RYR2: variants seen among roughly 807,000 people sequenced by gnomAD.
RYR2 encodes ryanodine receptor 2, also known as cardiac muscle ryanodine receptor-calcium release channel.
In RYR2, 227 loss-of-function variants were observed where a neutral mutation model predicts 601.1. That is an observed-to-expected ratio of 0.38 (90% CI 0.34 to 0.42). The LOEUF (loss-of-function observed/expected upper bound fraction) is 0.42, where lower values mean the gene tolerates loss of function less well. RYR2 is among the 10% of genes least tolerant of loss of function. The pLI, the probability that RYR2 is intolerant of heterozygous loss-of-function variation, is 1.00. For missense variants in RYR2, 4,646 were observed against 6,156.5 expected (o/e 0.75, Z 8.21); for synonymous variants, 2,223 against 2,175.1 (o/e 1.02, Z -0.61).
At chr1:237,373,526 G>C (rs1243169589) in intron 6 of RYR2, among the ~76,000 whole-genome samples, 4 of 152,186 alleles carry the variant, frequency 2.6e-5, no homozygotes, top group Non-Finnish European at 5.9e-5. Context: ...CTTCGTGATG[G>C]TAGTGTACTT....
intron 1 of RYR2, among the ~76,000 whole-genome samples, chr1:237,206,066 G>A (rs12048873): frequency 0.1 from 15,709 of 152,220 alleles, 894 homozygotes; most frequent in East Asian, 0.19. Context: ...CAGGAGCTCC[G>A]GGAAGAATAT....
chr1:237,263,901 T>C (rs1475217819), intron 1 of RYR2, among the ~76,000 whole-genome samples: 3 of 151,950 alleles, frequency 2.0e-5, no homozygotes, highest in African/African-American at 7.3e-5. Context: ...GCAAATAGCA[T>C]ATAATATAGT....
At position 237,645,469 on chromosome 1, in the gene RYR2, A is replaced by C. The variant is rs74147188; in HGVS notation, c.7342+2022A>C. Among the ~76,000 whole-genome samples, 825 of 152,348 alleles carry C rather than the reference A, an allele frequency of 5.4e-3. 7 individuals are homozygous for C. The highest frequency in any genetic ancestry group is 0.019 in the African/African-American group (797 of 41,592). Reference sequence around the variant, plus strand: ...TTCTTTACTCTATACTTTGAGCCACAAAATAGACACTATCAGGACAAAGAT... The same window carrying C: ...TTCTTTACTCTATACTTTGAGCCACCAAATAGACACTATCAGGACAAAGAT... On this transcript the variant is annotated intron_variant, in intron 48 of 104. Transcript: ENST00000366574.
intron 71 of RYR2, 146 bp downstream of exon 71, chr1:237,711,983 G>A (rs1202596891): frequency 1.7e-6 from 1 of 597,618 alleles, no homozygotes; most frequent in Non-Finnish European, 3.0e-6. Context: ...TATGCAAGCT[G>A]TTTTAAGGTT....
At chr1:237,209,495 A>ATGTGTGTGTGTG (rs1227902374) in intron 1 of RYR2, among the ~76,000 whole-genome samples, 1 of 39,292 alleles carries the variant, frequency 2.5e-5, no homozygotes, top group Non-Finnish European at 7.7e-5. Context: ...AAATCTGCAT[A>ATGTGTGTGTGTG]TATGTGTGTG....
At chr1:237,799,925 C>G (rs561851022) in intron 97 of RYR2, 14 of 152,274 alleles carry the variant, frequency 9.2e-5, no homozygotes, top group African/African-American at 2.6e-4. Context: ...AACTCACCTT[C>G]CTGGTTATAG....
chr1:237,628,177 T>A (rs1481096329), intron 41 of RYR2, 97 bp downstream of exon 41: 1 of 1,324,846 alleles, frequency 7.5e-7, no homozygotes, highest in African/African-American at 1.5e-5. Context: ...AAAAATATAT[T>A]GTCTGGATTA....
intron 17 of RYR2, among the ~76,000 whole-genome samples, chr1:237,480,203 G>A (rs1661879413): frequency 6.6e-6 from 1 of 151,866 alleles, no homozygotes; most frequent in Admixed American, 6.6e-5. Flanking sequence ...TGGATCAGTT[G>A]GGGTCAGGAG....
At chr1:237,478,604 C>A (rs1441032065) in intron 17 of RYR2, among the ~76,000 whole-genome samples, 2 of 152,202 alleles carry the variant, frequency 1.3e-5, no homozygotes, top group Non-Finnish European at 2.9e-5. Flanking sequence ...AAGGCTGATA[C>A]AAGTTTTACT....
In RYR2 at chr1:237,491,864, T is replaced by A; in HGVS notation, c.1767T>A (p.Ile589=). 1 of 1,480,596 alleles carries A rather than the reference T, an allele frequency of 6.8e-7. No individual in the cohort carries two copies. Among genetic ancestry groups the A allele is most frequent in the Non-Finnish European group, 9.3e-7 (1 of 1,078,734 alleles). 91.7% of individuals were successfully genotyped at this position (1,480,596 alleles called of 1,614,324 possible). The change falls in exon 18 of 105, where the codon ATT becomes ATA. Residue 589 remains isoleucine (I), a synonymous_variant. Coordinates refer to ENST00000366574, the MANE Select transcript of RYR2 (RefSeq NM_001035.3). ...LVESPEALNI[I]KEGHIKSIIS... is the part of the protein sequence containing the mutation. Reference sequence around the variant, plus strand: ...AAAGTCCAGAAGCTCTAAATATTATTAAAGAAGGACATATTAAATCTATTA... The same window carrying A: ...AAAGTCCAGAAGCTCTAAATATTATAAAAGAAGGACATATTAAATCTATTA...
At chr1:237,365,824 T>C (rs906715483) in intron 5 of RYR2, among the ~76,000 whole-genome samples, 27 of 152,292 alleles carry the variant, frequency 1.8e-4, no homozygotes, top group African/African-American at 5.8e-4. Context: ...GAAGGTCTCT[T>C]GTGAGAACAA....
chr1:237,641,606 A>T (rs553709906), intron 47 of RYR2, among the ~76,000 whole-genome samples: 1 of 150,138 alleles, frequency 6.7e-6, no homozygotes, highest in East Asian at 2.0e-4. Flanking sequence ...CAGTGGCATG[A>T]TCTCAGCTCA....
At chr1:237,110,756 G>A (rs1669383080) in intron 1 of RYR2, among the ~76,000 whole-genome samples, 1 of 152,184 alleles carries the variant, frequency 6.6e-6, no homozygotes, top group African/African-American at 2.4e-5. Flanking sequence ...GGGTACCAAT[G>A]CTCTGAAACC....
Position 237,387,992 on chromosome 1 carries a change from T to G in RYR2, c.677-95T>G, listed in dbSNP as rs1304412198. On this transcript the variant is annotated intron_variant, in intron 9 of 104. Coordinates refer to ENST00000366574, the MANE Select transcript of RYR2 (RefSeq NM_001035.3). ...CCTTAAGACTCACTAGACTTCAGTT[T>G]CTTTACGAAAGTAGAAGATTGGACC... is the stretch of plus-strand genomic sequence containing the variant. 4 of 1,160,960 alleles carry G rather than the reference T, an allele frequency of 3.4e-6. No homozygotes were observed. In the East Asian group the frequency reaches 1.0e-4, roughly 29 times the overall value. The allele number at this position is 1,160,960 out of a possible 1,614,324, so 71.9% of individuals were successfully genotyped here.
intron 80 of RYR2, among the ~76,000 whole-genome samples, chr1:237,753,154 T>G (rs1360261505): frequency 4.6e-5 from 7 of 152,208 alleles, no homozygotes; most frequent in Non-Finnish European, 1.0e-4. Flanking sequence ...CAGGCTGCCC[T>G]GGTTTAAAAT....
Position 237,550,803 on chromosome 1 carries a change from G to A in RYR2, c.3214+112G>A, listed in dbSNP as rs2306238. On this transcript the variant is annotated intron_variant, in intron 27 of 104. Coordinates refer to ENST00000366574, the MANE Select transcript of RYR2 (RefSeq NM_001035.3). Reference sequence around the variant, plus strand: ...CTGGATAGAGTCCTCTAGTCTAGGTGTGGAATTTCAGCCAAGTGGATTTTC... The same window carrying A: ...CTGGATAGAGTCCTCTAGTCTAGGTATGGAATTTCAGCCAAGTGGATTTTC... The A allele has an allele frequency of 0.21, 244,857 of 1,178,198 alleles. 26,982 individuals are homozygous for A. Among genetic ancestry groups the A allele is most frequent in the Admixed American group, 0.29 (9,456 of 32,368 alleles). 73.0% of individuals were successfully genotyped at this position (1,178,198 alleles called of 1,614,324 possible).
At chr1:237,618,069 A>G (rs1389412422) in intron 38 of RYR2, among the ~76,000 whole-genome samples, 1 of 152,166 alleles carries the variant, frequency 6.6e-6, no homozygotes, top group Non-Finnish European at 1.5e-5. Flanking sequence ...TTACTGGCGT[A>G]GGGATGGTGT....
At chr1:237,578,034 T>A (rs1169050920) in intron 29 of RYR2, among the ~76,000 whole-genome samples, 2 of 152,134 alleles carry the variant, frequency 1.3e-5, no homozygotes, top group East Asian at 3.9e-4. Flanking sequence ...GGTCTTGAGC[T>A]CCTGACCTAA....
At chr1:237,815,424 A>C (rs1233259361) in intron 100 of RYR2, among the ~76,000 whole-genome samples, 4 of 152,236 alleles carry the variant, frequency 2.6e-5, no homozygotes, top group Non-Finnish European at 5.9e-5. Flanking sequence ...AAGGCTGACC[A>C]GGTAGTAAAG....
Sources: allele counts gnomAD v4.1 joint callset (sites outside exome capture counted in the v4.1 genomes callset), GRCh38; gene constraint gnomAD v4.1.1; transcripts MANE v1.5; gene names NCBI Gene and HGNC (gene_info 2026-07-23, HGNC 2026-07-21).